SLC9B1: variants seen among roughly 807,000 people sequenced by gnomAD.
SLC9B1 encodes the protein sodium/hydrogen exchanger 9B1.
Under a neutral mutation model 51.7 loss-of-function variants are expected in SLC9B1, and 32 were observed. The observed-to-expected ratio is 0.62, with a 90% CI of 0.47 to 0.83. The LOEUF is 0.83. SLC9B1 is among the 40% of genes least tolerant of loss of function. SLC9B1 has a pLI of 0.00. For synonymous variants in SLC9B1, 145 were observed against 212.7 expected, an observed-to-expected ratio of 0.68 and a Z score of 2.77; for missense variants, 406 against 613.2, an observed-to-expected ratio of 0.66 and a Z score of 3.57.
At chr4:102,936,081 AG>A (rs1454846667) in intron 6 of SLC9B1, among the ~76,000 whole-genome samples, 1 of 152,218 alleles carries the variant, frequency 6.6e-6, no homozygotes, top group African/African-American at 2.4e-5. Flanking sequence ...CTGAAGGGCC[AG>A]ACAACAAATC....
chr4:102,926,776 G>C (rs1736202978), intron 7 of SLC9B1, among the ~76,000 whole-genome samples: 1 of 152,160 alleles, frequency 6.6e-6, no homozygotes, highest in Admixed American at 6.5e-5. Context: ...AACCAAAAAA[G>C]AGCCTGCATT....
rs1429580961 is a variant in SLC9B1, at chr4:102,932,226, C to T, written c.727G>A (p.Val243Ile). ...MMVLQENGYG[V>I]EEGIPTLLMA... ...AATAAGGTTGGAATGCCTTCCTCAACACCATATCCATTTTCTTGCAGCACC... is the reference window on the plus strand; with the variant it reads ...AATAAGGTTGGAATGCCTTCCTCAATACCATATCCATTTTCTTGCAGCACC... Residue 243 changes from valine to isoleucine, a missense_variant, in exon 7 of 12, where the codon GTT (valine) becomes ATT (isoleucine). Val to Ile is a conservative substitution (Grantham distance 29). Transcript: ENST00000296422. 8 of 1,611,790 alleles carry T rather than the reference C, an allele frequency of 5.0e-6. No individual in the cohort carries two copies. Among genetic ancestry groups the T allele is most frequent in the South Asian group, 1.1e-5 (1 of 90,990 alleles).
At chr4:102,943,158 C>CAAAAAAAAAAAAAAAAAAAAAA in intron 6 of SLC9B1, among the ~76,000 whole-genome samples, 1 of 111,362 alleles carries the variant, frequency 9.0e-6, no homozygotes, top group African/African-American at 3.4e-5. Flanking sequence ...TAGCCATAAT[C>CAAAAAAAAAAAAAAAAAAAAAA]AAAAAAATAA....
chr4:103,002,412 T>G (rs1309965384), intron 1 of SLC9B1, among the ~76,000 whole-genome samples: 1 of 152,166 alleles, frequency 6.6e-6, no homozygotes, highest in Non-Finnish European at 1.5e-5. Flanking sequence ...AGACTAAAGC[T>G]CTCATAAGAA....
chr4:103,001,210 GC>G (rs35218186), intron 1 of SLC9B1, among the ~76,000 whole-genome samples: 4 of 152,198 alleles, frequency 2.6e-5, no homozygotes, highest in Non-Finnish European at 5.9e-5. Context: ...AAGCAGCAAG[GC>G]CCTGGGCCTG....
intron 9 of SLC9B1, among the ~76,000 whole-genome samples, chr4:102,909,064 T>C (rs1735209995): frequency 6.6e-6 from 1 of 152,214 alleles, no homozygotes; most frequent in South Asian, 2.1e-4. Flanking sequence ...TATCAAGTGC[T>C]GTTGATGAGT....
At chr4:103,002,328 G>C (rs1740567961) in intron 1 of SLC9B1, among the ~76,000 whole-genome samples, 1 of 152,154 alleles carries the variant, frequency 6.6e-6, no homozygotes, top group South Asian at 2.1e-4. Flanking sequence ...GAGCCCATCA[G>C]GCAGTCTGAC....
chr4:102,937,187 C>T (rs1289327845), intron 6 of SLC9B1, among the ~76,000 whole-genome samples: 1 of 151,922 alleles, frequency 6.6e-6, no homozygotes, highest in African/African-American at 2.4e-5. Flanking sequence ...ACTGCAACCT[C>T]CACTTCCCGG....
rs1304497068 is a variant in SLC9B1, at chr4:102,924,271, ATCT to A, written c.829+7850_829+7852del. On this transcript the variant is annotated intron_variant, in intron 7 of 11. Coordinates refer to ENST00000296422, the MANE Select transcript of SLC9B1 (RefSeq NM_139173.4). ...AATACGACACATCTACAACCATCTGATCTTTGACAAACCTGACATAAACGAGAA... is the reference window on the plus strand; with the variant it reads ...AATACGACACATCTACAACCATCTGATTGACAAACCTGACATAAACGAGAA... Among the ~76,000 whole-genome samples the A allele has an allele frequency of 9.0e-3, 1,368 of 152,308 alleles. 12 individuals carry two copies. The highest frequency in any genetic ancestry group is 0.03 in the African/African-American group (1,243 of 41,558).
At chr4:102,911,298 G>A in intron 8 of SLC9B1, 133 bp downstream of exon 8, 2 of 619,388 alleles carry the variant, frequency 3.2e-6, no homozygotes, top group Non-Finnish European at 5.6e-6. Context: ...TCAGTTTTAA[G>A]TACAGAGTAG....
intron 1 of SLC9B1, among the ~76,000 whole-genome samples, chr4:103,009,698 G>A (rs989418312): frequency 6.6e-6 from 1 of 152,150 alleles, no homozygotes; most frequent in Non-Finnish European, 1.5e-5. Flanking sequence ...TTCAATTAAT[G>A]TTAGGTAAAA....
chr4:102,919,245 C>A (rs1192258748), intron 7 of SLC9B1, among the ~76,000 whole-genome samples: 9 of 152,212 alleles, frequency 5.9e-5, no homozygotes, highest in Non-Finnish European at 1.2e-4. Context: ...AGAAAATGGG[C>A]TTTTCTTTTC....
intron 3 of SLC9B1, among the ~76,000 whole-genome samples, chr4:102,975,218 A>G (rs1361035528): frequency 6.6e-6 from 1 of 152,158 alleles, no homozygotes; most frequent in Non-Finnish European, 1.5e-5. Flanking sequence ...TATGTTGCCC[A>G]GGCTAGCCTC....
intron 7 of SLC9B1, among the ~76,000 whole-genome samples, chr4:102,916,467 A>G (rs1735582828): frequency 6.6e-6 from 1 of 152,246 alleles, no homozygotes; most frequent in Non-Finnish European, 1.5e-5. Context: ...GGTAACATAG[A>G]TAACAACATC....
At chr4:102,986,736 T>G (rs146385574) in intron 3 of SLC9B1, among the ~76,000 whole-genome samples, 4 of 152,338 alleles carry the variant, frequency 2.6e-5, no homozygotes, top group Non-Finnish European at 5.9e-5. Flanking sequence ...CGGAGATTCT[T>G]TCTCAGCTTT....
intron 1 of SLC9B1, among the ~76,000 whole-genome samples, chr4:103,001,866 G>T (rs1740541193): frequency 6.6e-6 from 1 of 152,138 alleles, no homozygotes; most frequent in Non-Finnish European, 1.5e-5. Flanking sequence ...CCAACATTAG[G>T]TAATTTATAA....
At chr4:102,968,616 G>A (rs527972034) in intron 3 of SLC9B1, among the ~76,000 whole-genome samples, 3 of 152,326 alleles carry the variant, frequency 2.0e-5, no homozygotes, top group Non-Finnish European at 2.9e-5. Context: ...CACAACTGAC[G>A]TAGAAGACAG....
At position 102,973,975 on chromosome 4, in the gene SLC9B1, C is replaced by T. The variant is rs570633056; in HGVS notation, c.211+15825G>A. Among the ~76,000 whole-genome samples the T allele has an allele frequency of 3.3e-5, 5 of 152,182 alleles. No individual in the cohort carries two copies. The South Asian group carries it at 1.0e-3, about 32-fold the overall frequency. ...AAGAGATTGGGCATGGTGGCTCAGG[C>T]CTGTAATCCCAGCACTTTGGGAGGT... On this transcript the variant is annotated intron_variant, in intron 3 of 11. Coordinates refer to ENST00000296422, the MANE Select transcript of SLC9B1 (RefSeq NM_139173.4).
In SLC9B1 at chr4:102,887,253, T is replaced by C. The variant is rs575645825; in HGVS notation, c.1333-1925A>G. ...ATCTGATTTTTTTTAGCAAGTGATA[T>C]GCTTTCTTTCTGAGAGCATTTCACA... On this transcript the variant is annotated intron_variant, in intron 11 of 11. Coordinates refer to the SLC9B1 transcript ENST00000394789. 2,097 of 797,142 alleles carry C rather than the reference T, an allele frequency of 2.6e-3. 35 individuals are homozygous for C. The South Asian group carries it at 0.029, about 11-fold the overall frequency. 49.4% of individuals were successfully genotyped at this position (797,142 alleles called of 1,614,324 possible). A position where few individuals can be genotyped will look rare whatever the true frequency, so the allele number is the denominator to read the frequency against.
Sources: gnomAD v4.1 joint callset for allele counts (sites outside exome capture counted in the v4.1 genomes callset) on GRCh38, gnomAD v4.1.1 for gene constraint, MANE v1.5 for transcripts, NCBI Gene and HGNC (gene_info 2026-07-23, HGNC 2026-07-21) for gene names.